Variants in ITPR2 observed in about 807,000 individuals in gnomAD.
The protein encoded by ITPR2 is inositol 1,4,5-trisphosphate-gated calcium channel ITPR2.
In ITPR2, 207 loss-of-function variants were observed where a neutral mutation model predicts 317.1. That is an observed-to-expected ratio of 0.65 (90% CI 0.58 to 0.73). The LOEUF (loss-of-function observed/expected upper bound fraction) is 0.73, where lower values mean the gene tolerates loss of function less well. Ranked by LOEUF, ITPR2 falls within the 30% of genes least tolerant of loss-of-function variation. The probability of loss-of-function intolerance (pLI) is 0.00; values close to 1 mark genes in which losing one functional copy is unlikely to be tolerated. For missense variants in ITPR2, 2,613 were observed against 3,284.0 expected (o/e 0.80, Z 4.99); for synonymous variants, 1,156 against 1,149.1 (o/e 1.01, Z -0.12).
intron 34 of ITPR2, among the ~76,000 whole-genome samples, chr12:26,568,716 C>G (rs1323024383): frequency 6.6e-6 from 1 of 152,000 alleles, no homozygotes; most frequent in Non-Finnish European, 1.5e-5. Context: ...AATTAGAAAA[C>G]CTGGTTGGTT....
At chr12:26,509,323 G>C (rs987877878) in intron 37 of ITPR2, among the ~76,000 whole-genome samples, 2 of 152,172 alleles carry the variant, frequency 1.3e-5, no homozygotes, top group Admixed American at 1.3e-4. Context: ...CAGCAGTATT[G>C]GTTGTAAATC....
At chr12:26,626,370 A>G (rs1946625455) in intron 23 of ITPR2, among the ~76,000 whole-genome samples, 1 of 152,250 alleles carries the variant, frequency 6.6e-6, no homozygotes, top group African/African-American at 2.4e-5. Flanking sequence ...CTCCCCAGAA[A>G]GGTATCCCTT....
Position 26,666,163 on chromosome 12 carries a change from T to TAGATAGA in ITPR2, c.1410-113_1410-112insTCTATCT. The TAGATAGA allele has an allele frequency of 1.5e-4, 62 of 411,816 alleles. 1 individual carries two copies. Among genetic ancestry groups the TAGATAGA allele is most frequent in the South Asian group, 3.6e-4 (9 of 24,826 alleles). 25.5% of individuals were successfully genotyped at this position (411,816 alleles called of 1,614,324 possible). A position where few individuals can be genotyped will look rare whatever the true frequency, so the allele number is the denominator to read the frequency against. On this transcript the variant is annotated intron_variant, in intron 13 of 56. Coordinates refer to ENST00000381340, the MANE Select transcript of ITPR2 (RefSeq NM_002223.4). The stretch of plus-strand genomic sequence containing the variant: ...ATAGATAGATAGATAGATAGATAGA[T>TAGATAGA]TTTTTTTTACTTTTTCTTCAGGAGT...
At chr12:26,426,372 T>C (rs1941062149) in intron 49 of ITPR2, among the ~76,000 whole-genome samples, 1 of 152,240 alleles carries the variant, frequency 6.6e-6, no homozygotes, top group Admixed American at 6.5e-5. Context: ...TGGTTGGTAA[T>C]ACTGTAAAAT....
At position 26,472,040 on chromosome 12, in the gene ITPR2, C is replaced by A. The variant is rs141204119; in HGVS notation, c.6342+3256G>T. Among the ~76,000 whole-genome samples the A allele has an allele frequency of 2.1e-3, 314 of 152,306 alleles. 2 individuals carry two copies. Among genetic ancestry groups the A allele is most frequent in the African/African-American group, 7.1e-3 (297 of 41,554 alleles). ...CTAGAGAAAGCCAAGGAGTCACCTG[C>A]AGAAAGATCAGCAGAGCACAATGGT... is the stretch of plus-strand genomic sequence containing the variant. On this transcript the variant is annotated intron_variant, in intron 45 of 56. Transcript: ENST00000381340.
At chr12:26,605,126 A>AATAT (rs71069256) in intron 26 of ITPR2, among the ~76,000 whole-genome samples, 5,681 of 136,272 alleles carry the variant, frequency 0.042, 174 homozygotes, top group Non-Finnish European at 0.048. Flanking sequence ...AAAAAATAAA[A>AATAT]ATATATATAT....
At chr12:26,756,168 G>A (rs1267031831) in intron 2 of ITPR2, among the ~76,000 whole-genome samples, 1 of 152,082 alleles carries the variant, frequency 6.6e-6, no homozygotes, top group African/African-American at 2.4e-5. Flanking sequence ...ATGGGAAACG[G>A]GAGAGAGAAA....
intron 7 of ITPR2, 25 bp from the exon 8 acceptor site, chr12:26,715,470 T>A (rs1461165820): frequency 1.2e-6 from 2 of 1,603,356 alleles, no homozygotes; most frequent in Admixed American, 1.7e-5. Context: ...AAGAGACATC[T>A]GAACAAACAG....
Position 26,708,258 on chromosome 12 carries a change from A to C in ITPR2, c.951+2915T>G, listed in dbSNP as rs150414156. On this transcript the variant is annotated intron_variant, in intron 9 of 56. Transcript: ENST00000381340. Reference sequence around the variant, plus strand: ...ATCCTACTGCTAGGTATACACCCAAAAGGAAGGAAATCAGTATATGGAAGA... The same window carrying C: ...ATCCTACTGCTAGGTATACACCCAACAGGAAGGAAATCAGTATATGGAAGA... 3.3e-3 allele frequency among the ~76,000 whole-genome samples: 497 copies of C among 152,302 alleles called. 4 individuals carry two copies. The highest frequency in any genetic ancestry group is 0.011 in the African/African-American group (466 of 41,564).
At chr12:26,749,520 T>C (rs1416696337) in intron 2 of ITPR2, among the ~76,000 whole-genome samples, 1 of 152,176 alleles carries the variant, frequency 6.6e-6, no homozygotes, top group African/African-American at 2.4e-5. Context: ...ATAAATAACA[T>C]TGTTTTCGAG....
intron 37 of ITPR2, among the ~76,000 whole-genome samples, chr12:26,513,519 C>T (rs918731827): frequency 2.6e-5 from 4 of 151,748 alleles, no homozygotes; most frequent in African/African-American, 4.8e-5. Context: ...AGCTGTTACT[C>T]TTCCTCGGAT....
chr12:26,567,980 A>T (rs12311519), intron 34 of ITPR2, among the ~76,000 whole-genome samples: 9 of 7,590 alleles, frequency 1.2e-3, no homozygotes, highest in African/African-American at 1.7e-3. Flanking sequence ...TATATATATT[A>T]TATATATATA....
intron 37 of ITPR2, among the ~76,000 whole-genome samples, chr12:26,532,714 G>A (rs1267346848): frequency 6.6e-6 from 1 of 151,988 alleles, no homozygotes; most frequent in Non-Finnish European, 1.5e-5. Context: ...TGGAGACGGA[G>A]TTTTCGATGT....
chr12:26,407,695 AG>A (rs1295534155), intron 52 of ITPR2, among the ~76,000 whole-genome samples: 2 of 152,218 alleles, frequency 1.3e-5, no homozygotes, highest in African/African-American at 2.4e-5. Context: ...ATAAGACAGA[AG>A]GTTGGAATAT....
intron 21 of ITPR2, among the ~76,000 whole-genome samples, chr12:26,646,384 A>G (rs1044204564): frequency 3.9e-5 from 6 of 151,920 alleles, no homozygotes; most frequent in Admixed American, 3.9e-4. Flanking sequence ...CCTTTTTAAC[A>G]GTAACTATGC....
chr12:26,785,445 T>C (rs1317140333), intron 2 of ITPR2, among the ~76,000 whole-genome samples: 2,335 of 23,974 alleles, frequency 0.097, no homozygotes, highest in Admixed American at 0.13. Context: ...GTCAGCCCCC[T>C]GCCCGGCCGG....
chr12:26,791,888 A>C (rs1950347478), intron 1 of ITPR2, among the ~76,000 whole-genome samples: 1 of 152,218 alleles, frequency 6.6e-6, no homozygotes, highest in South Asian at 2.1e-4. Flanking sequence ...ACATGTTAAG[A>C]ATTCAAATAC....
intron 35 of ITPR2, among the ~76,000 whole-genome samples, chr12:26,558,396 A>AGTTAG (rs1265639066): frequency 1.3e-5 from 2 of 152,202 alleles, no homozygotes; most frequent in Non-Finnish European, 2.9e-5. Context: ...AGTTTGCTGC[A>AGTTAG]AGGATTAAAG....
intron 2 of ITPR2, among the ~76,000 whole-genome samples, chr12:26,776,198 A>T (rs1193836574): frequency 6.6e-6 from 1 of 152,062 alleles, no homozygotes; most frequent in East Asian, 1.9e-4. Context: ...AACGCATTTG[A>T]CACTCCTGAC....
Sources: gnomAD v4.1 joint callset for allele counts (sites outside exome capture counted in the v4.1 genomes callset) on GRCh38, gnomAD v4.1.1 for gene constraint, MANE v1.5 for transcripts, NCBI Gene and HGNC (gene_info 2026-07-23, HGNC 2026-07-21) for gene names.